The following FHIT variants were observed in gnomAD, a reference collection of about 807,000 sequenced individuals.
FHIT encodes fragile histidine triad diadenosine triphosphatase.
A neutral mutation model predicts 17.9 loss-of-function variants in FHIT; 19 were observed. That is an observed-to-expected ratio of 1.06 (90% CI 0.74 to 1.56). The LOEUF (loss-of-function observed/expected upper bound fraction) is 1.56, where lower values mean the gene tolerates loss of function less well. FHIT is among the 40% of genes most tolerant of loss of function. FHIT has a pLI of 0.00. For missense variants in FHIT, 248 were observed against 189.2 expected, an observed-to-expected ratio of 1.31 and a Z score of -1.82; for synonymous variants, 81 against 69.7, an observed-to-expected ratio of 1.16 and a Z score of -0.81.
intron 2 of FHIT, among the ~76,000 whole-genome samples, chr3:61,163,498 A>G (rs1276305346): frequency 6.6e-6 from 1 of 152,204 alleles, no homozygotes; most frequent in Non-Finnish European, 1.5e-5. Context: ...TTGACAAAAC[A>G]GTGGAAGCAG....
intron 5 of FHIT, among the ~76,000 whole-genome samples, chr3:60,097,286 G>A (rs1703992656): frequency 6.6e-6 from 1 of 152,074 alleles, no homozygotes; most frequent in Non-Finnish European, 1.5e-5. Context: ...GGAATAGTAG[G>A]AAGGGGGAGC....
At chr3:61,195,446 A>T (rs2038829006) in intron 2 of FHIT, among the ~76,000 whole-genome samples, 1 of 152,172 alleles carries the variant, frequency 6.6e-6, no homozygotes, top group African/African-American at 2.4e-5. Context: ...GGTGGTGATG[A>T]TGATGAAGAT....
chr3:60,565,003 G>T (rs372954573), intron 4 of FHIT, among the ~76,000 whole-genome samples: 12 of 152,106 alleles, frequency 7.9e-5, no homozygotes, highest in African/African-American at 1.7e-4. Context: ...CATTTTTATT[G>T]TAAGAAATCG....
chr3:59,986,540 T>TATATATACACACACAC (rs1473518719), intron 7 of FHIT, among the ~76,000 whole-genome samples: 9 of 12,442 alleles, frequency 7.2e-4, no homozygotes, highest in South Asian at 3.4e-3. Context: ...TATATATATA[T>TATATATACACACACAC]ACACACACAC....
chr3:60,644,062 GA>G (rs1553686070), intron 4 of FHIT, among the ~76,000 whole-genome samples: 1 of 152,158 alleles, frequency 6.6e-6, no homozygotes, highest in Non-Finnish European at 1.5e-5. Context: ...TTGGCAAAGG[GA>G]AATGTGTTTC....
chr3:61,209,602 A>G (rs955857330), intron 1 of FHIT, among the ~76,000 whole-genome samples: 1 of 152,132 alleles, frequency 6.6e-6, no homozygotes, highest in African/African-American at 2.4e-5. Context: ...AGTTGATCGC[A>G]TCGGCTACTG....
At chr3:59,937,031 G>A (rs545393524) in intron 7 of FHIT, among the ~76,000 whole-genome samples, 8 of 152,234 alleles carry the variant, frequency 5.3e-5, no homozygotes, top group South Asian at 2.1e-4. Flanking sequence ...TGATTAAAAC[G>A]GTCACCCCAA....
At chr3:60,216,229 A>T (rs9872055) in intron 5 of FHIT, among the ~76,000 whole-genome samples, 5,310 of 152,274 alleles carry the variant, frequency 0.035, 283 homozygotes, top group African/African-American at 0.12. Context: ...ATTTATATAG[A>T]AACTGTGACA....
chr3:60,911,398 C>CACACACA (rs55695297), intron 3 of FHIT, among the ~76,000 whole-genome samples: 1 of 150,110 alleles, frequency 6.7e-6, no homozygotes, highest in Non-Finnish European at 1.5e-5. Flanking sequence ...CACACACACA[C>CACACACA]CCTTCCACCA....
intron 5 of FHIT, among the ~76,000 whole-genome samples, chr3:60,079,861 G>T (rs1324613811): frequency 1.3e-5 from 2 of 151,774 alleles, no homozygotes; most frequent in Non-Finnish European, 2.9e-5. Flanking sequence ...TTGTTCATCA[G>T]ATCTGAAAAA....
intron 5 of FHIT, among the ~76,000 whole-genome samples, chr3:60,309,680 G>A (rs1708851837): frequency 6.6e-6 from 1 of 152,042 alleles, no homozygotes; most frequent in Admixed American, 6.6e-5. Flanking sequence ...AGACTCTGAG[G>A]TCAGATTCTT....
chr3:60,591,875 T>C (rs1553664425), intron 4 of FHIT, among the ~76,000 whole-genome samples: 1 of 152,026 alleles, frequency 6.6e-6, no homozygotes, highest in East Asian at 1.9e-4. Context: ...ACAAATCATG[T>C]GGCTTTGGGA....
At chr3:60,527,350 A>C (rs1457167332) in intron 5 of FHIT, among the ~76,000 whole-genome samples, 1 of 152,234 alleles carries the variant, frequency 6.6e-6, no homozygotes, top group Non-Finnish European at 1.5e-5. Flanking sequence ...ATCTTTGGTG[A>C]ATGGAAGGGT....
At chr3:60,702,391 T>G (rs1171238558) in intron 4 of FHIT, among the ~76,000 whole-genome samples, 1 of 152,108 alleles carries the variant, frequency 6.6e-6, no homozygotes. Flanking sequence ...TTTATAATAA[T>G]AAAAACTATT....
chr3:59,898,442 TTGTGTGTGTG>T (rs3075168), intron 8 of FHIT, among the ~76,000 whole-genome samples: 51 of 145,946 alleles, frequency 3.5e-4, no homozygotes, highest in Admixed American at 1.2e-3. Context: ...GTGTGTATGT[TTGTGTGTGTG>T]TGTGTGTGTG....
intron 4 of FHIT, among the ~76,000 whole-genome samples, chr3:60,618,860 G>C (rs1351593129): frequency 3.3e-5 from 5 of 152,090 alleles, no homozygotes; most frequent in Non-Finnish European, 7.4e-5. Context: ...GTGAAAAGGA[G>C]GCTTTGAAGA....
In FHIT at chr3:60,129,771, G is replaced by C. The variant is rs145311760; in HGVS notation, c.104-115619C>G. ...TAAAACCCTCTCAGATTAATGTACA[G>C]CCCATTATTGAATTCTGGATCTTAG... On this transcript the variant is annotated intron_variant, in intron 5 of 9. Transcript: ENST00000492590. Among the ~76,000 whole-genome samples the C allele has an allele frequency of 7.9e-3, 1,208 of 152,152 alleles. 16 individuals are homozygous for C. Among genetic ancestry groups the C allele is most frequent in the African/African-American group, 0.027 (1,110 of 41,504 alleles).
At chr3:60,013,187 T>C (rs1052699534) in intron 6 of FHIT, among the ~76,000 whole-genome samples, 3 of 152,326 alleles carry the variant, frequency 2.0e-5, no homozygotes, top group African/African-American at 7.2e-5. Flanking sequence ...ATCTGGTCTC[T>C]TTGAAGCTCT....
chr3:60,509,396 A>C (rs1431820543), intron 5 of FHIT, among the ~76,000 whole-genome samples: 1 of 152,216 alleles, frequency 6.6e-6, no homozygotes, highest in Admixed American at 6.5e-5. Context: ...GTAGAAGCTG[A>C]TTCTCAGATA....
Sources: gnomAD v4.1 joint callset for allele counts (sites outside exome capture counted in the v4.1 genomes callset) on GRCh38, gnomAD v4.1.1 for gene constraint, MANE v1.5 for transcripts, NCBI Gene and HGNC (gene_info 2026-07-23, HGNC 2026-07-21) for gene names.